The following DLG2 variants were observed in gnomAD, a reference collection of about 807,000 sequenced individuals.
DLG2 encodes the protein discs large MAGUK scaffold protein 2.
In DLG2, 45 loss-of-function variants were observed where a neutral mutation model predicts 132.5. The observed-to-expected ratio is 0.34, with a 90% CI of 0.27 to 0.44. DLG2 has a LOEUF of 0.44. Ranked by LOEUF, DLG2 falls within the 20% of genes least tolerant of loss-of-function variation. DLG2 has a pLI of 1.00. For missense variants in DLG2, 1,045 were observed against 1,196.9 expected, an observed-to-expected ratio of 0.87 and a Z score of 1.87; for synonymous variants, 424 against 419.6, an observed-to-expected ratio of 1.01 and a Z score of -0.13.
intron 4 of DLG2, among the ~76,000 whole-genome samples, chr11:85,172,246 C>G (rs2078928773): frequency 6.6e-6 from 1 of 152,222 alleles, no homozygotes; most frequent in East Asian, 1.9e-4. Flanking sequence ...CATTAGCTCC[C>G]AGAGGAAGGA....
Position 84,032,429 on chromosome 11 carries a change from A to G in DLG2, c.919+26886T>C, listed in dbSNP as rs545418211. ...AGTCTCTTAAGCTAAAGCCTAACCC[A>G]GAGCAAGGCCCTAAATCTCTTCAAG... On this transcript the variant is annotated intron_variant, in intron 11 of 27. Coordinates refer to ENST00000376104, the MANE Select transcript of DLG2 (RefSeq NM_001142699.3). Among the ~76,000 whole-genome samples the G allele has an allele frequency of 5.3e-5, 8 of 152,332 alleles. No homozygotes were observed. In the East Asian group the frequency reaches 1.5e-3, roughly 29 times the overall value.
At chr11:84,083,987 C>T (rs1452337104) in intron 10 of DLG2, among the ~76,000 whole-genome samples, 2 of 152,160 alleles carry the variant, frequency 1.3e-5, no homozygotes, top group Non-Finnish European at 2.9e-5. Flanking sequence ...TTCACCCCAA[C>T]AGACATAATC....
At chr11:84,317,083 G>A in intron 7 of DLG2, 1 of 1,612,876 alleles carries the variant, frequency 6.2e-7, no homozygotes, top group Non-Finnish European at 8.5e-7. Context: ...GCGCACTCCT[G>A]ACGGCATCCA....
At chr11:84,976,129 T>C (rs1176720603) in intron 6 of DLG2, among the ~76,000 whole-genome samples, 3 of 152,184 alleles carry the variant, frequency 2.0e-5, no homozygotes, top group African/African-American at 7.2e-5. Flanking sequence ...TGACATTATA[T>C]GGCATTATGT....
At chr11:84,346,928 C>A (rs775832010) in intron 7 of DLG2, among the ~76,000 whole-genome samples, 12 of 151,824 alleles carry the variant, frequency 7.9e-5, no homozygotes, top group Non-Finnish European at 1.6e-4. Context: ...TATGAAATGC[C>A]TTTCAAGACC....
intron 7 of DLG2, among the ~76,000 whole-genome samples, chr11:84,411,440 A>G (rs1329734163): frequency 6.6e-6 from 1 of 152,238 alleles, no homozygotes; most frequent in Non-Finnish European, 1.5e-5. Flanking sequence ...CATTTATGAC[A>G]AGTAAAATTG....
intron 6 of DLG2, among the ~76,000 whole-genome samples, chr11:84,547,783 T>C (rs893160343): frequency 6.6e-6 from 1 of 152,114 alleles, no homozygotes; most frequent in Non-Finnish European, 1.5e-5. Flanking sequence ...CAATTCATTA[T>C]TGTACCAGGG....
chr11:84,152,408 A>T (rs2095321433), intron 9 of DLG2, among the ~76,000 whole-genome samples: 1 of 147,448 alleles, frequency 6.8e-6, no homozygotes, highest in African/African-American at 2.5e-5. Context: ...TTTTTTTCAG[A>T]CGGAGTCTTG....
At chr11:85,369,308 C>G (rs1242049497) in intron 3 of DLG2, among the ~76,000 whole-genome samples, 4 of 152,150 alleles carry the variant, frequency 2.6e-5, no homozygotes, top group African/African-American at 9.7e-5. Context: ...AGCAGCCTTC[C>G]CTTTCCCCCC....
At chr11:84,988,388 G>A (rs746498340) in intron 6 of DLG2, among the ~76,000 whole-genome samples, 25 of 152,104 alleles carry the variant, frequency 1.6e-4, no homozygotes, top group Non-Finnish European at 2.2e-4. Context: ...AAAAGAAGTC[G>A]TTATATGAAA....
chr11:84,234,273 T>C (rs569662232), intron 8 of DLG2, among the ~76,000 whole-genome samples: 1 of 152,254 alleles, frequency 6.6e-6, no homozygotes, highest in South Asian at 2.1e-4. Flanking sequence ...CCTCCAAGTG[T>C]ATTTCCTTTC....
chr11:85,165,680 A>T (rs2152483107), intron 4 of DLG2, among the ~76,000 whole-genome samples: 1 of 152,290 alleles, frequency 6.6e-6, no homozygotes, highest in Middle Eastern at 3.4e-3. Context: ...AACAAATTTA[A>T]TTTAATGATC....
intron 6 of DLG2, among the ~76,000 whole-genome samples, chr11:84,573,446 T>C (rs1183642553): frequency 6.6e-6 from 1 of 152,162 alleles, no homozygotes; most frequent in Non-Finnish European, 1.5e-5. Context: ...AATCACTGTA[T>C]ACATCAATAT....
intron 16 of DLG2, among the ~76,000 whole-genome samples, chr11:83,864,124 C>T (rs760443113): frequency 1.3e-5 from 2 of 152,176 alleles, no homozygotes; most frequent in Non-Finnish European, 2.9e-5. Context: ...TGTAAGCATG[C>T]AACTTCTTTA....
intron 6 of DLG2, among the ~76,000 whole-genome samples, chr11:84,885,498 C>T (rs370981180): frequency 6.6e-6 from 1 of 151,922 alleles, no homozygotes; most frequent in South Asian, 2.1e-4. Context: ...CCATGCCTGG[C>T]CTGGAATAAT....
At chr11:84,650,900 T>TATATATAA (rs1452682199) in intron 6 of DLG2, among the ~76,000 whole-genome samples, 4 of 138,518 alleles carry the variant, frequency 2.9e-5, no homozygotes, top group African/African-American at 8.8e-5. Context: ...TATATATATA[T>TATATATAA]AAAATTTTTG....
chr11:84,601,097 T>C (rs2099575685), intron 6 of DLG2, among the ~76,000 whole-genome samples: 2 of 152,294 alleles, frequency 1.3e-5, no homozygotes, highest in South Asian at 4.1e-4. Context: ...TACTCTGTTA[T>C]TTTTATGTAG....
chr11:84,173,837 C>T (rs2095876453), intron 8 of DLG2, among the ~76,000 whole-genome samples: 1 of 152,094 alleles, frequency 6.6e-6, no homozygotes, highest in South Asian at 2.1e-4. Flanking sequence ...TGACCACCCA[C>T]CACTCGCAAC....
intron 3 of DLG2, among the ~76,000 whole-genome samples, chr11:85,420,361 T>A (rs1486162288): frequency 1.3e-5 from 2 of 152,098 alleles, no homozygotes; most frequent in African/African-American, 4.8e-5. Context: ...CTGTATGACA[T>A]GTCTGTAGAC....
Sources: allele counts gnomAD v4.1 joint callset (sites outside exome capture counted in the v4.1 genomes callset), GRCh38; gene constraint gnomAD v4.1.1; transcripts MANE v1.5; gene names NCBI Gene and HGNC (gene_info 2026-07-23, HGNC 2026-07-21).